The following RALYL variants were observed in gnomAD, a reference collection of about 807,000 sequenced individuals.
The protein encoded by RALYL is RNA-binding Raly-like protein.
In RALYL, 29 loss-of-function variants were observed where a neutral mutation model predicts 35.1. That is an observed-to-expected ratio of 0.83 (90% CI 0.61 to 1.13). The LOEUF (loss-of-function observed/expected upper bound fraction) is 1.13. Among genes scored for constraint, RALYL ranks in the 50% most tolerant of loss-of-function variants. RALYL has a pLI of 0.00. For missense variants in RALYL, 359 were observed against 360.4 expected, an observed-to-expected ratio of 1.00 and a Z score of 0.03; for synonymous variants, 120 against 127.6, an observed-to-expected ratio of 0.94 and a Z score of 0.40.
intron 1 of RALYL, among the ~76,000 whole-genome samples, chr8:84,222,432 CAA>C (rs2131319883): frequency 6.6e-6 from 1 of 152,190 alleles, no homozygotes; most frequent in East Asian, 1.9e-4. Context: ...AATTAGATTT[CAA>C]AATGGTGGAT....
At chr8:84,407,459 C>T (rs1444706746) in intron 1 of RALYL, among the ~76,000 whole-genome samples, 1 of 152,054 alleles carries the variant, frequency 6.6e-6, no homozygotes, top group Non-Finnish European at 1.5e-5. Context: ...CATTCTTATT[C>T]AATTATCAAC....
At chr8:84,268,346 A>G (rs1221699013) in intron 1 of RALYL, among the ~76,000 whole-genome samples, 1 of 152,202 alleles carries the variant, frequency 6.6e-6, no homozygotes, top group African/African-American at 2.4e-5. Context: ...TCATACCTGC[A>G]TACTTGAAAT....
chr8:84,306,039 C>G (rs1841721455), intron 1 of RALYL, among the ~76,000 whole-genome samples: 2 of 152,028 alleles, frequency 1.3e-5, no homozygotes, highest in African/African-American at 4.8e-5. Flanking sequence ...TGGCGGGCAC[C>G]TGTAGTCCTA....
intron 3 of RALYL, among the ~76,000 whole-genome samples, chr8:84,789,478 C>T (rs1386282838): frequency 6.6e-6 from 1 of 152,038 alleles, no homozygotes; most frequent in East Asian, 1.9e-4. Flanking sequence ...ATCTTTTTCT[C>T]ATTTTTTTCC....
chr8:84,431,731 C>CT (rs1762175435), intron 1 of RALYL, among the ~76,000 whole-genome samples: 1 of 152,044 alleles, frequency 6.6e-6, no homozygotes, highest in Admixed American at 6.6e-5. Flanking sequence ...GCAGGATTTC[C>CT]TTTTTCTGTG....
At chr8:84,760,191 T>C (rs1297468119) in intron 2 of RALYL, among the ~76,000 whole-genome samples, 1 of 152,182 alleles carries the variant, frequency 6.6e-6, no homozygotes, top group Non-Finnish European at 1.5e-5. Context: ...TGAATGACAC[T>C]GTAAATTTAG....
At chr8:84,746,836 A>C (rs1808718278) in intron 2 of RALYL, among the ~76,000 whole-genome samples, 1 of 137,042 alleles carries the variant, frequency 7.3e-6, no homozygotes, top group Non-Finnish European at 1.6e-5. Flanking sequence ...GCTACTATTT[A>C]AGATGCTTAC....
intron 2 of RALYL, among the ~76,000 whole-genome samples, chr8:84,708,517 A>G (rs912132791): frequency 2.6e-5 from 4 of 152,186 alleles, no homozygotes; most frequent in Admixed American, 6.6e-5. Flanking sequence ...AAATGTTTGC[A>G]TATATCAGAT....
At chr8:84,489,553 C>T (rs1427889444) in intron 1 of RALYL, among the ~76,000 whole-genome samples, 1 of 151,954 alleles carries the variant, frequency 6.6e-6, no homozygotes, top group African/African-American at 2.4e-5. Context: ...AATTTGCAGT[C>T]CAATTGCAGA....
At chr8:84,829,570 C>T (rs959228165) in intron 4 of RALYL, 1 of 152,188 alleles carries the variant, frequency 6.6e-6, no homozygotes, top group African/African-American at 2.4e-5. Context: ...ACCCCCAGCC[C>T]CTCCTCAGTG....
Position 84,896,015 on chromosome 8 carries a change from A to G in RALYL, c.858+8239A>G, listed in dbSNP as rs186478066. On this transcript the variant is annotated intron_variant, in intron 8 of 8. Transcript: ENST00000521268. Reference sequence around the variant, plus strand: ...CTCCCAGCTGCTTCTGGGAGTCCCAAAAAGTATCTCACCTGTGCTCAGGAG... The same window carrying G: ...CTCCCAGCTGCTTCTGGGAGTCCCAGAAAGTATCTCACCTGTGCTCAGGAG... 1.6e-4 allele frequency among the ~76,000 whole-genome samples: 24 copies of G among 152,230 alleles called. 1 individual carries two copies. The East Asian group carries it at 3.5e-3, about 22-fold the overall frequency.
At position 84,921,157 on chromosome 8, in the gene RALYL, T is replaced by A. The variant is rs888408512; in HGVS notation, c.*246T>A. The A allele has an allele frequency of 1.4e-4, 44 of 324,106 alleles. No individual in the cohort carries two copies. Among genetic ancestry groups the A allele is most frequent in the Non-Finnish European group, 5.6e-6 (1 of 178,006 alleles). 20.1% of individuals were successfully genotyped at this position (324,106 alleles called of 1,614,324 possible). On this transcript the variant is annotated 3_prime_UTR_variant, in exon 9 of 9. Transcript: ENST00000521268. ...GTTTTCCCCTTTGCTAATTATGTTT[T>A]TTTTTTCAGTCTTAAAATGTGAAAG...
intron 7 of RALYL, among the ~76,000 whole-genome samples, chr8:84,877,359 T>C (rs1314142893): frequency 2.0e-5 from 3 of 152,058 alleles, no homozygotes; most frequent in Non-Finnish European, 4.4e-5. Flanking sequence ...TGGTGGCACA[T>C]GCCTGTAATC....
At chr8:84,375,921 A>G (rs1342861158) in intron 1 of RALYL, among the ~76,000 whole-genome samples, 1 of 151,886 alleles carries the variant, frequency 6.6e-6, no homozygotes, top group East Asian at 1.9e-4. Context: ...AAAGACTGTG[A>G]TTTCCATTTT....
At chr8:84,851,914 C>A (rs1835928744) in intron 5 of RALYL, among the ~76,000 whole-genome samples, 1 of 152,208 alleles carries the variant, frequency 6.6e-6, no homozygotes. Flanking sequence ...GTGTTTGATT[C>A]ATGTCTGTCT....
chr8:84,798,299 G>T (rs566912711), intron 3 of RALYL, among the ~76,000 whole-genome samples: 54 of 149,538 alleles, frequency 3.6e-4, no homozygotes, highest in African/African-American at 1.3e-3. Flanking sequence ...GGCTATGAAT[G>T]CAGGAACAAG....
chr8:84,718,593 A>C (rs113817531), intron 2 of RALYL, among the ~76,000 whole-genome samples: 12,964 of 151,852 alleles, frequency 0.085, 750 homozygotes, highest in Middle Eastern at 0.15. Context: ...GTGAAACCTC[A>C]TCTCTACTAA....
In RALYL at chr8:84,439,919, C is replaced by T. The variant is rs191264608; in HGVS notation, c.-23-89380C>T. On this transcript the variant is annotated intron_variant, in intron 1 of 8. Coordinates refer to ENST00000521268, the MANE Select transcript of RALYL (RefSeq NM_173848.7). ...CATGTCGGTAATCTTCACTGGTTAC[C>T]CAAGGTTCAAACCCTTTTAACTAGT... Among the ~76,000 whole-genome samples, 188 of 151,972 alleles carry T rather than the reference C, an allele frequency of 1.2e-3. 2 individuals are homozygous for T. The highest frequency in any genetic ancestry group is 3.7e-3 in the African/African-American group (155 of 41,476).
chr8:84,681,913 G>T (rs911424333), intron 2 of RALYL, among the ~76,000 whole-genome samples: 2 of 152,180 alleles, frequency 1.3e-5, no homozygotes, highest in Non-Finnish European at 2.9e-5. Context: ...TCCCTGTCTT[G>T]TGCCAGTTTT....
Sources: gnomAD v4.1 joint callset for allele counts (sites outside exome capture counted in the v4.1 genomes callset) on GRCh38, gnomAD v4.1.1 for gene constraint, MANE v1.5 for transcripts, NCBI Gene and HGNC (gene_info 2026-07-23, HGNC 2026-07-21) for gene names.